Variants in LUZP2 observed in about 807,000 individuals in gnomAD.
LUZP2 encodes leucine zipper protein 2.
A neutral mutation model predicts 51.6 loss-of-function variants in LUZP2; 52 were observed. That is an observed-to-expected ratio of 1.01 (90% CI 0.81 to 1.27). The LOEUF (loss-of-function observed/expected upper bound fraction) is 1.27, where lower values mean the gene tolerates loss of function less well. Ranked by LOEUF, LUZP2 falls within the 50% of genes most tolerant of loss-of-function variation. LUZP2 has a pLI of 0.00. For missense variants in LUZP2, 436 were observed against 395.4 expected, an observed-to-expected ratio of 1.10 and a Z score of -0.87; for synonymous variants, 154 against 137.3, an observed-to-expected ratio of 1.12 and a Z score of -0.85.
chr11:24,903,925 A>G (rs1853358279), intron 5 of LUZP2, among the ~76,000 whole-genome samples: 1 of 152,208 alleles, frequency 6.6e-6, no homozygotes, highest in Non-Finnish European at 1.5e-5. Flanking sequence ...CAGGCCTGGA[A>G]GAAGAAATGG....
intron 5 of LUZP2, among the ~76,000 whole-genome samples, chr11:24,897,927 G>C (rs796394341): frequency 1.3e-5 from 2 of 152,138 alleles, no homozygotes; most frequent in South Asian, 2.1e-4. Flanking sequence ...TTCTGGAAGA[G>C]AATAACATAG....
intron 5 of LUZP2, among the ~76,000 whole-genome samples, chr11:24,900,144 C>T (rs10742053): frequency 0.49 from 74,447 of 151,908 alleles, 18,556 homozygotes; most frequent in East Asian, 0.72. Flanking sequence ...CATTATTGGG[C>T]ACCAGGATTT....
At chr11:24,793,737 T>C (rs1331715090) in intron 5 of LUZP2, among the ~76,000 whole-genome samples, 1 of 152,146 alleles carries the variant, frequency 6.6e-6, no homozygotes, top group Non-Finnish European at 1.5e-5. Flanking sequence ...AAGAGACTAG[T>C]AATTACGTAT....
chr11:24,531,087 A>G (rs1850979762), intron 1 of LUZP2, among the ~76,000 whole-genome samples: 2 of 132,736 alleles, frequency 1.5e-5, no homozygotes, highest in African/African-American at 3.4e-5. Flanking sequence ...ATTAACTTTA[A>G]TATTACCATA....
chr11:25,077,288 C>G, intron 10 of LUZP2, 41 bp from the exon 11 acceptor site: 1 of 1,453,274 alleles, frequency 6.9e-7, no homozygotes, highest in Non-Finnish European at 9.6e-7. Context: ...CACTTTCTTT[C>G]TTTAACTTCA....
At chr11:24,878,691 T>C (rs930881543) in intron 5 of LUZP2, among the ~76,000 whole-genome samples, 1 of 151,952 alleles carries the variant, frequency 6.6e-6, no homozygotes, top group Non-Finnish European at 1.5e-5. Context: ...GTGCAGAAAG[T>C]ACAGGTTTTT....
intron 9 of LUZP2, among the ~76,000 whole-genome samples, chr11:25,002,241 C>A (rs1345714657): frequency 5.9e-5 from 9 of 152,314 alleles, no homozygotes; most frequent in Non-Finnish European, 1.3e-4. Flanking sequence ...CTAACTATGG[C>A]ATAACCTGCT....
intron 1 of LUZP2, among the ~76,000 whole-genome samples, chr11:24,708,928 C>G (rs2133926167): frequency 6.6e-6 from 1 of 152,272 alleles, no homozygotes; most frequent in East Asian, 1.9e-4. Flanking sequence ...CACAGCCCAG[C>G]TCTATCATTA....
In LUZP2 at chr11:24,880,516, T is replaced by C. The variant is rs1236064124; in HGVS notation, c.397-25475T>C. 2.0e-5 allele frequency among the ~76,000 whole-genome samples: 3 copies of C among 152,194 alleles called. 1 individual carries two copies. Among genetic ancestry groups the C allele is most frequent in the Admixed American group, 2.0e-4 (3 of 15,272 alleles). ...GTTGGTGGAGCATCCTGTTTGGCTA[T>C]CTTGCTCTGTCCCTTTTCTAGAACT... is the stretch of plus-strand genomic sequence containing the variant. On this transcript the variant is annotated intron_variant, in intron 5 of 11. Transcript: ENST00000336930.
intron 10 of LUZP2, among the ~76,000 whole-genome samples, chr11:25,054,599 ACTT>A (rs1858621059): frequency 2.0e-5 from 3 of 152,008 alleles, no homozygotes; most frequent in Admixed American, 2.0e-4. Context: ...TTTTAATTGA[ACTT>A]CTTTAGTATC....
chr11:24,819,638 A>G (rs1850297548), intron 5 of LUZP2, among the ~76,000 whole-genome samples: 1 of 152,142 alleles, frequency 6.6e-6, no homozygotes, highest in Non-Finnish European at 1.5e-5. Context: ...TACAGACCAT[A>G]AAACATTTAT....
chr11:24,658,413 G>T (rs572279908), intron 1 of LUZP2, among the ~76,000 whole-genome samples: 19 of 152,180 alleles, frequency 1.2e-4, no homozygotes, highest in Middle Eastern at 3.4e-3. Context: ...ACACCTTATA[G>T]AAAAATTAAT....
chr11:24,554,842 C>A (rs1160156928), intron 1 of LUZP2, among the ~76,000 whole-genome samples: 1 of 151,622 alleles, frequency 6.6e-6, no homozygotes, highest in African/African-American at 2.4e-5. Flanking sequence ...AACAGTAGCC[C>A]AGTTAGAAAA....
chr11:24,665,776 C>T (rs760520661), intron 1 of LUZP2, among the ~76,000 whole-genome samples: 9 of 152,110 alleles, frequency 5.9e-5, no homozygotes, highest in Non-Finnish European at 8.8e-5. Flanking sequence ...TGAGTACCAC[C>T]GCCCCTGACA....
At chr11:24,596,560 G>C (rs1047528413) in intron 1 of LUZP2, among the ~76,000 whole-genome samples, 3 of 152,136 alleles carry the variant, frequency 2.0e-5, no homozygotes, top group Non-Finnish European at 4.4e-5. Context: ...TGGTTTATTA[G>C]CAAGTTAATG....
At chr11:24,924,379 G>A (rs1854166372) in intron 7 of LUZP2, among the ~76,000 whole-genome samples, 2 of 151,814 alleles carry the variant, frequency 1.3e-5, no homozygotes, top group Admixed American at 1.3e-4. Context: ...CACCCAGCCC[G>A]CTTGCCCCTT....
intron 5 of LUZP2, among the ~76,000 whole-genome samples, chr11:24,874,985 T>C (rs1852198743): frequency 6.6e-6 from 1 of 152,168 alleles, no homozygotes; most frequent in Non-Finnish European, 1.5e-5. Context: ...CCAGCATCCT[T>C]TGAAGCTTGC....
chr11:24,901,457 A>G (rs926449834), intron 5 of LUZP2, among the ~76,000 whole-genome samples: 3 of 152,166 alleles, frequency 2.0e-5, no homozygotes, highest in Admixed American at 1.3e-4. Context: ...CACCAAAACT[A>G]TAAAACTTTA....
At chr11:24,831,699 A>T (rs1255983197) in intron 5 of LUZP2, among the ~76,000 whole-genome samples, 1 of 152,152 alleles carries the variant, frequency 6.6e-6, no homozygotes, top group Non-Finnish European at 1.5e-5. Context: ...TGTTTAATTT[A>T]TGTAGACTTA....
Sources: allele counts gnomAD v4.1 joint callset (sites outside exome capture counted in the v4.1 genomes callset), GRCh38; gene constraint gnomAD v4.1.1; transcripts MANE v1.5; gene names NCBI Gene and HGNC (gene_info 2026-07-23, HGNC 2026-07-21).